OPCML: variants seen among roughly 807,000 people sequenced by gnomAD.
The protein encoded by OPCML is opioid binding protein/cell adhesion molecule like.
Under a neutral mutation model 37.8 loss-of-function variants are expected in OPCML, and 13 were observed. That is an observed-to-expected ratio of 0.34 (90% CI 0.22 to 0.55). The LOEUF (loss-of-function observed/expected upper bound fraction) is 0.55. Ranked by LOEUF, OPCML falls within the 20% of genes least tolerant of loss-of-function variation. The probability of loss-of-function intolerance (pLI) is 0.91; values close to 1 mark genes in which losing one functional copy is unlikely to be tolerated. For missense variants in OPCML, 341 were observed against 435.6 expected (o/e 0.78, Z 1.93); for synonymous variants, 176 against 168.8 (o/e 1.04, Z -0.33).
At chr11:133,528,973 G>A (rs969237796) in intron 1 of OPCML, among the ~76,000 whole-genome samples, 14 of 152,178 alleles carry the variant, frequency 9.2e-5, no homozygotes, top group African/African-American at 3.4e-4. Context: ...GAAGGACTTG[G>A]GCAGCACTGT....
intron 1 of OPCML, among the ~76,000 whole-genome samples, chr11:133,250,514 G>T (rs1234362943): frequency 1.8e-4 from 23 of 129,948 alleles, no homozygotes. Context: ...GAGGGAGAGA[G>T]GGAGGGAAGG....
intron 2 of OPCML, among the ~76,000 whole-genome samples, chr11:132,823,362 C>A (rs148814276): frequency 6.6e-6 from 1 of 152,308 alleles, no homozygotes; most frequent in East Asian, 1.9e-4. Flanking sequence ...CCGCACCTGT[C>A]CTCACACCCC....
chr11:132,594,938 C>T (rs2096490149), intron 3 of OPCML, among the ~76,000 whole-genome samples: 1 of 152,172 alleles, frequency 6.6e-6, no homozygotes. Context: ...GAGTTCAAGG[C>T]AGATATGCTC....
intron 2 of OPCML, among the ~76,000 whole-genome samples, chr11:132,815,999 C>A (rs547191641): frequency 6.6e-6 from 1 of 152,300 alleles, no homozygotes; most frequent in South Asian, 2.1e-4. Flanking sequence ...CCTAATTTTT[C>A]TCTACATAAA....
intron 3 of OPCML, among the ~76,000 whole-genome samples, chr11:132,609,278 C>A (rs1938492424): frequency 6.6e-6 from 1 of 152,152 alleles, no homozygotes; most frequent in African/African-American, 2.4e-5. Flanking sequence ...ATTCTCACAT[C>A]CGGTTTAAAG....
At chr11:132,914,218 T>C (rs1050919553) in intron 2 of OPCML, among the ~76,000 whole-genome samples, 4 of 152,236 alleles carry the variant, frequency 2.6e-5, no homozygotes, top group Admixed American at 6.5e-5. Context: ...GAGAACTGCC[T>C]TGTGGCCCTC....
chr11:132,659,249 A>T (rs1433591938), intron 2 of OPCML, among the ~76,000 whole-genome samples: 1 of 152,142 alleles, frequency 6.6e-6, no homozygotes, highest in Non-Finnish European at 1.5e-5. Flanking sequence ...ACGTTAATGG[A>T]TCCTCCCTGC....
intron 2 of OPCML, among the ~76,000 whole-genome samples, chr11:132,705,290 C>T (rs1784514): frequency 0.53 from 80,164 of 151,642 alleles, 21,410 homozygotes; most frequent in Admixed American, 0.57. Flanking sequence ...GAGTTCTGGT[C>T]GTTTAAAAGT....
Position 133,211,841 on chromosome 11 carries a change from G to A in OPCML, c.62-268831C>T, listed in dbSNP as rs1939373625. On this transcript the variant is annotated intron_variant, in intron 1 of 7. Transcript: ENST00000524381. This position sits in a 1 kb window ranked among gnomAD's most constrained non-coding sequence, Gnocchi z 4.1. Reference sequence around the variant, plus strand: ...GACAGTTAAACCTTCAAGAGTATAAGCATTTGACTCAAACTCTTCAAGATA... The same window carrying A: ...GACAGTTAAACCTTCAAGAGTATAAACATTTGACTCAAACTCTTCAAGATA... 6.6e-6 allele frequency among the ~76,000 whole-genome samples: 1 copy of A among 152,166 alleles called. No individual in the cohort carries two copies. The highest frequency in any genetic ancestry group is 2.4e-5 in the African/African-American group (1 of 41,416).
intron 4 of OPCML, among the ~76,000 whole-genome samples, chr11:132,501,308 G>A (rs2096245062): frequency 6.6e-6 from 1 of 152,156 alleles, no homozygotes; most frequent in Non-Finnish European, 1.5e-5. Context: ...TACCATTCAG[G>A]ACGTAGGCAT....
At chr11:133,138,828 A>G (rs1446699956) in intron 1 of OPCML, among the ~76,000 whole-genome samples, 7 of 152,222 alleles carry the variant, frequency 4.6e-5, no homozygotes. Context: ...AGATGCCTAC[A>G]TAATGAACCT....
intron 1 of OPCML, among the ~76,000 whole-genome samples, chr11:133,483,599 T>C (rs992518396): frequency 6.6e-6 from 1 of 151,294 alleles, no homozygotes; most frequent in South Asian, 2.1e-4. Flanking sequence ...GATTCATAGA[T>C]AGAAAGAGAT....
At chr11:133,042,551 G>C (rs886244661) in intron 1 of OPCML, among the ~76,000 whole-genome samples, 1 of 152,180 alleles carries the variant, frequency 6.6e-6, no homozygotes, top group African/African-American at 2.4e-5. Flanking sequence ...CAATAGGCTA[G>C]TTGGGGGGAC....
intron 1 of OPCML, among the ~76,000 whole-genome samples, chr11:133,192,641 G>A (rs527320575): frequency 6.6e-6 from 1 of 152,286 alleles, no homozygotes; most frequent in East Asian, 1.9e-4. Flanking sequence ...CTGTTTAATT[G>A]CGGGCAAGTC....
chr11:132,958,929 C>G (rs1425388865), intron 1 of OPCML, among the ~76,000 whole-genome samples: 1 of 152,214 alleles, frequency 6.6e-6, no homozygotes, highest in Admixed American at 6.5e-5. Flanking sequence ...GCTAACACAA[C>G]CTCCGTTCCG....
In OPCML at chr11:133,498,447, A is replaced by T. The variant is rs1405879392; in HGVS notation, c.61+33817T>A. 2.6e-5 allele frequency among the ~76,000 whole-genome samples: 4 copies of T among 152,300 alleles called. No individual in the cohort carries two copies. The East Asian group carries it at 7.7e-4, about 29-fold the overall frequency. On this transcript the variant is annotated intron_variant, in intron 1 of 7. Transcript: ENST00000524381. ...GACCCAGAAGAGTCAGAGAAAAGAG[A>T]GTCAGAACTAGAGCAATCCCAGGAA...
intron 4 of OPCML, among the ~76,000 whole-genome samples, chr11:132,483,749 C>G (rs1264618287): frequency 1.3e-4 from 20 of 151,978 alleles, no homozygotes; most frequent in South Asian, 4.2e-4. Flanking sequence ...ACAGAGCCCT[C>G]AGAAATAATG....
intron 3 of OPCML, among the ~76,000 whole-genome samples, chr11:132,589,198 G>T (rs770724066): frequency 2.8e-4 from 43 of 152,188 alleles, no homozygotes; most frequent in Admixed American, 1.1e-3. Flanking sequence ...AGACAAAAAT[G>T]CATAGAAACC....
chr11:132,636,905 G>A (rs992041555), intron 3 of OPCML, among the ~76,000 whole-genome samples: 23 of 151,858 alleles, frequency 1.5e-4, no homozygotes, highest in African/African-American at 5.3e-4. Context: ...TAAAAAAAGA[G>A]AAAAAAAGAA....
Sources: allele counts gnomAD v4.1 joint callset (sites outside exome capture counted in the v4.1 genomes callset), GRCh38; gene constraint gnomAD v4.1.1; non-coding constraint Gnocchi (gnomAD v3.1); transcripts MANE v1.5; gene names NCBI Gene and HGNC (gene_info 2026-07-23, HGNC 2026-07-21).